Variants in PDS5B observed in about 807,000 individuals in gnomAD.
The protein encoded by PDS5B is sister chromatid cohesion protein PDS5 homolog B.
PDS5B carries 51 observed loss-of-function variants against 184.1 expected under a neutral mutation model. That is an observed-to-expected ratio of 0.28 (90% CI 0.22 to 0.35). The LOEUF is 0.35. Among genes scored for constraint, PDS5B ranks in the 10% least tolerant of loss-of-function variants. PDS5B has a pLI of 1.00. For synonymous variants in PDS5B, 566 were observed against 569.2 expected, an observed-to-expected ratio of 0.99 and a Z score of 0.08; for missense variants, 1,180 against 1,723.3, an observed-to-expected ratio of 0.68 and a Z score of 5.58.
chr13:32,589,039 G>A (rs2057733594), intron 1 of PDS5B, among the ~76,000 whole-genome samples: 1 of 152,222 alleles, frequency 6.6e-6, no homozygotes, highest in South Asian at 2.1e-4. Flanking sequence ...TTTGGCATAC[G>A]GACTCTTGAA....
intron 1 of PDS5B, among the ~76,000 whole-genome samples, chr13:32,619,888 T>G (rs2058271590): frequency 1.3e-5 from 2 of 152,126 alleles, no homozygotes; most frequent in South Asian, 4.1e-4. Context: ...AACCTTTGCC[T>G]CCTGGGTTCA....
At chr13:32,711,007 T>C (rs576777257) in intron 19 of PDS5B, among the ~76,000 whole-genome samples, 1 of 152,244 alleles carries the variant, frequency 6.6e-6, no homozygotes, top group Non-Finnish European at 1.5e-5. Flanking sequence ...CTTTTTTTTT[T>C]TGAGATGGAG....
chr13:32,769,668 T>C (rs2141035866), intron 31 of PDS5B, among the ~76,000 whole-genome samples: 1 of 152,314 alleles, frequency 6.6e-6, no homozygotes, highest in African/African-American at 2.4e-5. Context: ...AAAATAATAG[T>C]TCTTTTATGA....
At chr13:32,774,209 T>C (rs941085288) in intron 34 of PDS5B, among the ~76,000 whole-genome samples, 3 of 152,256 alleles carry the variant, frequency 2.0e-5, no homozygotes, top group Non-Finnish European at 4.4e-5. Flanking sequence ...TCTTCTCCTA[T>C]CTTTGTTTGA....
At chr13:32,602,683 C>T (rs575314415) in intron 1 of PDS5B, among the ~76,000 whole-genome samples, 20 of 152,340 alleles carry the variant, frequency 1.3e-4, no homozygotes, top group African/African-American at 4.8e-4. Flanking sequence ...CTGTCTTCCA[C>T]AATGGTTGAA....
intron 1 of PDS5B, among the ~76,000 whole-genome samples, chr13:32,602,401 T>C (rs1248467086): frequency 1.3e-5 from 2 of 152,204 alleles, no homozygotes; most frequent in Non-Finnish European, 2.9e-5. Context: ...TCCAGCTTCA[T>C]CCATGTCCCT....
intron 1 of PDS5B, among the ~76,000 whole-genome samples, chr13:32,648,064 CTAAT>C (rs1950272817): frequency 6.6e-6 from 1 of 152,234 alleles, no homozygotes. Flanking sequence ...ATGGCCAAAA[CTAAT>C]TACCTGTTCC....
chr13:32,651,026 A>G (rs552166624), intron 2 of PDS5B, among the ~76,000 whole-genome samples: 211 of 152,330 alleles, frequency 1.4e-3, no homozygotes, highest in Non-Finnish European at 2.4e-3. Flanking sequence ...TAAAGTAGGA[A>G]TAGTGCAGAC....
intron 19 of PDS5B, among the ~76,000 whole-genome samples, chr13:32,731,376 G>C (rs1024340677): frequency 1.3e-5 from 2 of 152,064 alleles, no homozygotes; most frequent in Non-Finnish European, 2.9e-5. Context: ...TGTTCTTCCA[G>C]GTGGCTATAT....
Position 32,678,856 on chromosome 13 carries a change from A to T in PDS5B, c.984A>T (p.Pro328=). The part of the protein sequence containing the change: ...YLGRFNDIHV[P]IRLECVKFAS... ...TCAGGTTTAATGATATCCATGTACC[A>T]ATCCGCCTGGAATGTGTGAAATTTG... The change falls in exon 10 of 35, where the codon CCA becomes CCT. Residue 328 remains proline (P), a synonymous_variant. Coordinates refer to ENST00000315596, the MANE Select transcript of PDS5B (RefSeq NM_015032.4). 6.2e-7 allele frequency: 1 copy of T among 1,604,318 alleles called. No individual in the cohort carries two copies. Among genetic ancestry groups the T allele is most frequent in the Non-Finnish European group, 8.5e-7 (1 of 1,171,254 alleles).
At chr13:32,738,556 A>G (rs1272497384) in intron 21 of PDS5B, among the ~76,000 whole-genome samples, 2 of 152,006 alleles carry the variant, frequency 1.3e-5, no homozygotes. Flanking sequence ...ATCTGTACCT[A>G]TATTAATCTT....
In PDS5B at chr13:32,686,612, T is replaced by G. The variant is rs138535665; in HGVS notation, c.1204-522T>G. Among the ~76,000 whole-genome samples, 697 of 152,194 alleles carry G rather than the reference T, an allele frequency of 4.6e-3. 2 individuals carry two copies. Among genetic ancestry groups the G allele is most frequent in the Non-Finnish European group, 7.7e-3 (522 of 67,980 alleles). ...CAGCCTGGGCAACATAGACCCTGTT[T>G]CTACAAAAAACAAAAATAAAAAATT... On this transcript the variant is annotated intron_variant, in intron 11 of 34. Coordinates refer to ENST00000315596, the MANE Select transcript of PDS5B (RefSeq NM_015032.4).
chr13:32,765,799 A>G (rs1954567185), intron 31 of PDS5B, among the ~76,000 whole-genome samples: 1 of 152,158 alleles, frequency 6.6e-6, no homozygotes, highest in Non-Finnish European at 1.5e-5. Context: ...GCGGGGTTTC[A>G]CCATGTTGGC....
intron 1 of PDS5B, among the ~76,000 whole-genome samples, chr13:32,590,718 A>G (rs1156476266): frequency 1.3e-5 from 2 of 152,146 alleles, no homozygotes; most frequent in African/African-American, 4.8e-5. Context: ...AGATATTTTA[A>G]AGGAAAGCTC....
chr13:32,757,274 C>A (rs77852783), intron 26 of PDS5B, among the ~76,000 whole-genome samples: 1 of 152,270 alleles, frequency 6.6e-6, no homozygotes, highest in Admixed American at 6.5e-5. Context: ...TAGACACTTA[C>A]GGTTATATTT....
intron 3 of PDS5B, among the ~76,000 whole-genome samples, chr13:32,655,844 T>G (rs1037708304): frequency 6.6e-6 from 1 of 152,234 alleles, no homozygotes; most frequent in Non-Finnish European, 1.5e-5. Flanking sequence ...GTCTCATTTG[T>G]CAATTTTTGT....
chr13:32,673,500 C>A (rs1311845873), intron 8 of PDS5B, 144 bp downstream of exon 8: 2 of 699,580 alleles, frequency 2.9e-6, no homozygotes, highest in African/African-American at 1.8e-5. Flanking sequence ...GTATTTGTGC[C>A]GTGTCTGTTT....
intron 1 of PDS5B, among the ~76,000 whole-genome samples, chr13:32,623,779 T>C (rs1399903043): frequency 1.3e-5 from 2 of 152,114 alleles, no homozygotes; most frequent in African/African-American, 4.8e-5. Context: ...TTTCTTTCTG[T>C]TAGGGAAATT....
At chr13:32,617,903 C>T (rs2058242143) in intron 1 of PDS5B, among the ~76,000 whole-genome samples, 1 of 152,086 alleles carries the variant, frequency 6.6e-6, no homozygotes, top group Non-Finnish European at 1.5e-5. Flanking sequence ...TACCTAAGGC[C>T]AGGTAATTTT....
Sources: allele counts gnomAD v4.1 joint callset (sites outside exome capture counted in the v4.1 genomes callset), GRCh38; gene constraint gnomAD v4.1.1; transcripts MANE v1.5; gene names NCBI Gene and HGNC (gene_info 2026-07-23, HGNC 2026-07-21).